Variants in GRIN2A observed in about 807,000 individuals in gnomAD.
GRIN2A encodes glutamate ionotropic receptor NMDA type subunit 2A.
Under a neutral mutation model 113.4 loss-of-function variants are expected in GRIN2A, and 22 were observed. That is an observed-to-expected ratio of 0.19 (90% CI 0.14 to 0.28). GRIN2A has a LOEUF of 0.28. Ranked by LOEUF, GRIN2A falls within the 10% of genes least tolerant of loss-of-function variation. GRIN2A has a pLI of 1.00. For synonymous variants in GRIN2A, 827 were observed against 738.4 expected, an observed-to-expected ratio of 1.12 and a Z score of -1.94; for missense variants, 1,502 against 1,887.0, an observed-to-expected ratio of 0.80 and a Z score of 3.78.
Position 10,180,555 on chromosome 16 carries a change from TCACGGAC to T in GRIN2A, c.-18-133_-18-127del. The T allele has an allele frequency of 6.7e-7, 1 of 1,488,088 alleles. No individual in the cohort carries two copies. Among genetic ancestry groups the T allele is most frequent in the Non-Finnish European group, 8.9e-7 (1 of 1,122,478 alleles). The allele number at this position is 1,488,088 out of a possible 1,614,324, so 92.2% of individuals were successfully genotyped here. A position where few individuals can be genotyped will look rare whatever the true frequency, so the allele number is the denominator to read the frequency against. ...TCAGCAGCAGGATAGGCTGCTGGGA[TCACGGAC>T]TCCATTCCGAGTCCCCGACGCCATC... On this transcript the variant is annotated intron_variant, in intron 1 of 12. Coordinates refer to ENST00000330684, the MANE Select transcript of GRIN2A (RefSeq NM_001134407.3). This position sits in a 1 kb window ranked among gnomAD's most constrained non-coding sequence, Gnocchi z 7.0.
Position 9,763,360 on chromosome 16 carries a change from G to A in GRIN2A, c.4184C>T (p.Ala1395Val), listed in dbSNP as rs199696775. Residue 1395 changes from alanine (A) to valine (V), a missense_variant, in exon 13 of 13, where the codon GCG becomes GTG. By Grantham distance (64) the Ala-to-Val change is moderately conservative. This residue lies in a region of GRIN2A where 832 missense variants were observed against 789.7 expected (regional missense o/e 1.05). Coordinates refer to ENST00000330684, the MANE Select transcript of GRIN2A (RefSeq NM_001134407.3). ...CGACCGAAGATAGCTGTCATTCACC[G>A]CCTGGGATGGCAACGAGTGTTTGTA... ...DPYKHSLPSQAVNDSYLRSSL... is the reference protein window; with the variant it reads ...DPYKHSLPSQVVNDSYLRSSL... The A allele has an allele frequency of 2.2e-5, 35 of 1,613,964 alleles. 1 individual carries two copies. Among genetic ancestry groups the A allele is most frequent in the South Asian group, 4.4e-5 (4 of 91,084 alleles).
chr16:9,823,177 C>T (rs2042320316), intron 9 of GRIN2A, among the ~76,000 whole-genome samples: 1 of 151,780 alleles, frequency 6.6e-6, no homozygotes, highest in African/African-American at 2.4e-5. Flanking sequence ...TTCTGTCTGT[C>T]CACAGCTTCG....
intron 11 of GRIN2A, among the ~76,000 whole-genome samples, chr16:9,793,039 G>GAAGA (rs1266300375): frequency 6.6e-6 from 1 of 152,180 alleles, no homozygotes; most frequent in African/African-American, 2.4e-5. Flanking sequence ...TTTGTTTTAG[G>GAAGA]AAGATCCTCA....
chr16:9,943,638 G>T (rs1176071631), intron 2 of GRIN2A, among the ~76,000 whole-genome samples: 1 of 152,156 alleles, frequency 6.6e-6, no homozygotes, highest in East Asian at 1.9e-4. Flanking sequence ...AACACTCATG[G>T]ATGGCATTTC....
Position 10,017,143 on chromosome 16 carries a change from C to T in GRIN2A, c.415-78592G>A, listed in dbSNP as rs2046625121. Among the ~76,000 whole-genome samples, 3 of 152,208 alleles carry T rather than the reference C, an allele frequency of 2.0e-5. No homozygotes were observed. In the South Asian group the frequency reaches 6.2e-4, roughly 31 times the overall value. On this transcript the variant is annotated intron_variant, in intron 2 of 12. Transcript: ENST00000330684. The stretch of plus-strand genomic sequence containing the variant: ...GTGATCAAGCCCCAAGTGAAATGGC[C>T]TACAAGCCCCTCATCTTCTGACCAC...
chr16:10,165,240 A>G (rs2049888505), intron 2 of GRIN2A, among the ~76,000 whole-genome samples: 1 of 152,112 alleles, frequency 6.6e-6, no homozygotes, highest in Non-Finnish European at 1.5e-5. Context: ...TGAAAGCCTC[A>G]TGATAAAATG....
chr16:9,878,717 T>G (rs906825166), intron 4 of GRIN2A, among the ~76,000 whole-genome samples: 3 of 152,294 alleles, frequency 2.0e-5, no homozygotes, highest in African/African-American at 7.2e-5. Context: ...TTTTAAGTTC[T>G]GAAATCTGAA....
At chr16:10,162,227 AG>A in intron 2 of GRIN2A, among the ~76,000 whole-genome samples, 1 of 152,202 alleles carries the variant, frequency 6.6e-6, no homozygotes, top group East Asian at 1.9e-4. Flanking sequence ...GTGTCCAGAA[AG>A]GGAGCCCACA....
chr16:10,106,902 A>G (rs1028967776), intron 2 of GRIN2A, among the ~76,000 whole-genome samples: 2 of 152,208 alleles, frequency 1.3e-5, no homozygotes, highest in Admixed American at 1.3e-4. Flanking sequence ...GCCTCCCGAG[A>G]ACATGCCAGA....
At chr16:9,824,566 G>A (rs1220905511) in intron 9 of GRIN2A, among the ~76,000 whole-genome samples, 1 of 152,172 alleles carries the variant, frequency 6.6e-6, no homozygotes, top group Admixed American at 6.5e-5. Context: ...TTCAGTCTCT[G>A]TGATGGTTTC....
In GRIN2A at chr16:10,132,340, C is replaced by CAAAAAAAAAA. The variant is rs71402435; in HGVS notation, c.414+47648_414+47657dup. Among the ~76,000 whole-genome samples the CAAAAAAAAAA allele has an allele frequency of 6.0e-4, 37 of 61,622 alleles. 1 individual carries two copies. The highest frequency in any genetic ancestry group is 1.6e-3 in the African/African-American group (27 of 16,844). The allele number at this position is 61,622 out of a possible 152,430, so 40.4% of individuals were successfully genotyped here. On this transcript the variant is annotated intron_variant, in intron 2 of 12. Coordinates refer to ENST00000330684, the MANE Select transcript of GRIN2A (RefSeq NM_001134407.3). The stretch of plus-strand genomic sequence containing the variant: ...GAATGAGCAGAACAAGACACCGTCT[C>CAAAAAAAAAA]AAAAAAAAAAAAAAAAAAGATGTGA...
Position 9,763,012 on chromosome 16 carries a change from C to G in GRIN2A, c.*137G>C. The G allele has an allele frequency of 1.2e-6, 1 of 848,476 alleles. No homozygotes were observed. The highest frequency in any genetic ancestry group is 1.7e-5 in the South Asian group (1 of 60,466). The allele number at this position is 848,476 out of a possible 1,614,324, so 52.6% of individuals were successfully genotyped here. On this transcript the variant is annotated 3_prime_UTR_variant, in exon 13 of 13. Transcript: ENST00000330684. ...TGGCATGAAGCCGTGTGCAAAAGAG[C>G]CAACAACAACAACAACAAAATACCT...
At chr16:10,146,335 C>A (rs1393523303) in intron 2 of GRIN2A, among the ~76,000 whole-genome samples, 3 of 152,136 alleles carry the variant, frequency 2.0e-5, no homozygotes, top group African/African-American at 7.2e-5. Context: ...CCAGGCTGGT[C>A]TCAAACTCCT....
At chr16:10,053,519 G>C (rs994839504) in intron 2 of GRIN2A, among the ~76,000 whole-genome samples, 1 of 152,242 alleles carries the variant, frequency 6.6e-6, no homozygotes, top group Non-Finnish European at 1.5e-5. Context: ...CTTAAGGACT[G>C]TGAGTGACGA....
intron 2 of GRIN2A, among the ~76,000 whole-genome samples, chr16:10,132,340 C>CAAATAAAAAAAAAAAAAAAA (rs2049082040): frequency 1.6e-5 from 1 of 61,630 alleles, no homozygotes; most frequent in African/African-American, 5.9e-5. Flanking sequence ...GACACCGTCT[C>CAAATAAAAAAAAAAAAAAAA]AAAAAAAAAA....
intron 5 of GRIN2A, among the ~76,000 whole-genome samples, chr16:9,847,240 G>T (rs923343741): frequency 2.0e-5 from 3 of 152,078 alleles, no homozygotes; most frequent in Admixed American, 1.3e-4. Flanking sequence ...CAGAAAAGTG[G>T]AAACTAAATA....
intron 4 of GRIN2A, among the ~76,000 whole-genome samples, chr16:9,882,010 A>C (rs2043490276): frequency 6.6e-6 from 1 of 152,104 alleles, no homozygotes; most frequent in African/African-American, 2.4e-5. Flanking sequence ...CTCTGGCTGG[A>C]TGAACTTTTT....
At chr16:10,169,871 C>T (rs1195267638) in intron 2 of GRIN2A, among the ~76,000 whole-genome samples, 1 of 151,940 alleles carries the variant, frequency 6.6e-6, no homozygotes, top group Non-Finnish European at 1.5e-5. Flanking sequence ...TTTATAAGGC[C>T]ACAACGTATG....
rs997202156 is a variant in GRIN2A at position 9,757,473 on chromosome 16, A to C, written c.*5676T>G. ...GCTGTTTAGTCTCTGTTTGCATTGC[A>C]TGGGTCCTTGGTTATCCTTTGTATT... On this transcript the variant is annotated 3_prime_UTR_variant, in exon 13 of 13. Transcript: ENST00000330684. 8.8e-6 allele frequency: 2 copies of C among 227,322 alleles called. No homozygotes were observed. The highest frequency in any genetic ancestry group is 4.5e-5 in the African/African-American group (2 of 44,484). The allele number at this position is 227,322 out of a possible 1,614,324, so 14.1% of individuals were successfully genotyped here. A position where few individuals can be genotyped will look rare whatever the true frequency, so the allele number is the denominator to read the frequency against.
Sources: gnomAD v4.1 joint callset for allele counts (sites outside exome capture counted in the v4.1 genomes callset) on GRCh38, gnomAD v4.1.1 for gene constraint, gnomAD v4.1.1 regional missense constraint, Gnocchi (gnomAD v3.1) non-coding constraint, MANE v1.5 for transcripts, NCBI Gene and HGNC (gene_info 2026-07-23, HGNC 2026-07-21) for gene names.